The following CPQ variants were observed in gnomAD, a reference collection of about 807,000 sequenced individuals.
The protein encoded by CPQ is carboxypeptidase Q.
A neutral mutation model predicts 45.7 loss-of-function variants in CPQ; 37 were observed. The observed-to-expected ratio is 0.81, with a 90% CI of 0.62 to 1.07. The LOEUF (loss-of-function observed/expected upper bound fraction) is 1.07. CPQ is among the 50% of genes least tolerant of loss of function. The pLI, the probability that CPQ is intolerant of heterozygous loss-of-function variation, is 0.00. For synonymous variants in CPQ, 186 were observed against 205.8 expected, an observed-to-expected ratio of 0.90 and a Z score of 0.82; for missense variants, 537 against 572.9, an observed-to-expected ratio of 0.94 and a Z score of 0.64.
intron 2 of CPQ, among the ~76,000 whole-genome samples, chr8:96,817,988 A>T (rs1811251809): frequency 6.6e-6 from 1 of 152,082 alleles, no homozygotes; most frequent in South Asian, 2.1e-4. Context: ...CAAGAGGCCT[A>T]GCTTTTGCCC....
intron 5 of CPQ, among the ~76,000 whole-genome samples, chr8:96,979,994 T>C: frequency 1.3e-5 from 2 of 152,230 alleles, no homozygotes; most frequent in East Asian, 3.9e-4. Context: ...AATCCTTAAA[T>C]AATTCAAAAT....
intron 1 of CPQ, among the ~76,000 whole-genome samples, chr8:96,736,059 A>G (rs1809978886): frequency 6.6e-6 from 1 of 151,920 alleles, no homozygotes; most frequent in African/African-American, 2.4e-5. Flanking sequence ...ACAGGGCTAC[A>G]GGTATCGTTT....
At chr8:96,910,408 G>T (rs1183709466) in intron 4 of CPQ, among the ~76,000 whole-genome samples, 1 of 152,076 alleles carries the variant, frequency 6.6e-6, no homozygotes, top group Non-Finnish European at 1.5e-5. Context: ...TAACCACAAT[G>T]GTTATCATGT....
intron 5 of CPQ, among the ~76,000 whole-genome samples, chr8:97,015,346 A>G (rs1384588084): frequency 6.6e-6 from 1 of 152,110 alleles, no homozygotes; most frequent in Non-Finnish European, 1.5e-5. Flanking sequence ...CAGGCTTGTG[A>G]TTCCTACATG....
rs547860221 is a variant in CPQ at position 96,895,568 on chromosome 8, ATG to A, written c.849+15567_849+15568del. Among the ~76,000 whole-genome samples, 439 of 152,270 alleles carry A rather than the reference ATG, an allele frequency of 2.9e-3. 1 individual carries two copies. Among genetic ancestry groups the A allele is most frequent in the African/African-American group, 0.01 (421 of 41,572 alleles). The stretch of plus-strand genomic sequence containing the variant: ...TAAATATGTAGCTAGTGAATTTTGA[ATG>A]TGTCTTTTGAACTGTTTATGGGCTT... On this transcript the variant is annotated intron_variant, in intron 4 of 7. Transcript: ENST00000220763.
intron 1 of CPQ, among the ~76,000 whole-genome samples, chr8:96,746,912 T>G (rs1031753422): frequency 2.6e-5 from 4 of 152,214 alleles, no homozygotes; most frequent in Non-Finnish European, 5.9e-5. Context: ...TAGCCAAATG[T>G]GCGTTCCAAA....
At chr8:96,820,676 G>A (rs1446873480) in intron 2 of CPQ, among the ~76,000 whole-genome samples, 3 of 151,950 alleles carry the variant, frequency 2.0e-5, no homozygotes, top group African/African-American at 7.2e-5. Flanking sequence ...ATATTTCATT[G>A]TGTATATATA....
chr8:96,907,056 TA>T (rs1394716070), intron 4 of CPQ, among the ~76,000 whole-genome samples: 35 of 152,334 alleles, frequency 2.3e-4, no homozygotes, highest in African/African-American at 8.2e-4. Flanking sequence ...ATATTCATAA[TA>T]TATTTTGTAT....
intron 3 of CPQ, among the ~76,000 whole-genome samples, chr8:96,865,263 C>A (rs1283890086): frequency 6.6e-6 from 1 of 151,982 alleles, no homozygotes; most frequent in Non-Finnish European, 1.5e-5. Context: ...AGAGCTCTAT[C>A]CAGTTTGAAC....
At chr8:97,080,765 A>T (rs972219401) in intron 7 of CPQ, among the ~76,000 whole-genome samples, 1 of 152,132 alleles carries the variant, frequency 6.6e-6, no homozygotes, top group African/African-American at 2.4e-5. Context: ...TGCTGTCTTA[A>T]TTCTTTCCAG....
chr8:97,085,734 A>G (rs1811030726), intron 7 of CPQ, among the ~76,000 whole-genome samples: 1 of 152,198 alleles, frequency 6.6e-6, no homozygotes, highest in Non-Finnish European at 1.5e-5. Context: ...AGTTAAATAA[A>G]TTCTAGTATA....
At chr8:96,767,747 G>A (rs1022702905) in intron 1 of CPQ, among the ~76,000 whole-genome samples, 5 of 144,802 alleles carry the variant, frequency 3.5e-5, no homozygotes, top group South Asian at 2.3e-4. Context: ...AGATTCAAGC[G>A]ATTCTCCTGC....
chr8:96,736,763 T>C (rs1467125035), intron 1 of CPQ, among the ~76,000 whole-genome samples: 1 of 152,206 alleles, frequency 6.6e-6, no homozygotes, highest in Non-Finnish European at 1.5e-5. Flanking sequence ...TAGAATGTTG[T>C]AGATTTTATT....
At chr8:96,864,708 A>G (rs138967256) in intron 3 of CPQ, among the ~76,000 whole-genome samples, 148 of 152,212 alleles carry the variant, frequency 9.7e-4, no homozygotes, top group African/African-American at 3.4e-3. Context: ...TTTTAAATAA[A>G]TATCTTTATT....
intron 4 of CPQ, among the ~76,000 whole-genome samples, chr8:96,916,378 A>C (rs765426820): frequency 6.6e-6 from 1 of 152,186 alleles, no homozygotes; most frequent in Non-Finnish European, 1.5e-5. Context: ...AATATTCTTT[A>C]TTATACAACT....
chr8:96,654,310 G>A (rs1815613248), intron 1 of CPQ, among the ~76,000 whole-genome samples: 1 of 152,086 alleles, frequency 6.6e-6, no homozygotes, highest in South Asian at 2.1e-4. Flanking sequence ...AATTGGCTTT[G>A]TCATAAACCC....
chr8:96,746,067 A>C (rs1416687431), intron 1 of CPQ, among the ~76,000 whole-genome samples: 1 of 152,214 alleles, frequency 6.6e-6, no homozygotes, highest in Non-Finnish European at 1.5e-5. Flanking sequence ...TTCTTCACTT[A>C]GCCTCCTTAA....
chr8:96,918,491 A>G (rs1812761164), intron 4 of CPQ, among the ~76,000 whole-genome samples: 1 of 151,920 alleles, frequency 6.6e-6, no homozygotes, highest in African/African-American at 2.4e-5. Flanking sequence ...TTCCCACATG[A>G]TCAAACTTAC....
chr8:96,910,811 T>G (rs373504070), intron 4 of CPQ, among the ~76,000 whole-genome samples: 1 of 152,190 alleles, frequency 6.6e-6, no homozygotes, highest in African/African-American at 2.4e-5. Flanking sequence ...GCTGAAGTAG[T>G]GTTATAATCT....
Sources: gnomAD v4.1 joint callset for allele counts (sites outside exome capture counted in the v4.1 genomes callset) on GRCh38, gnomAD v4.1.1 for gene constraint, MANE v1.5 for transcripts, NCBI Gene and HGNC (gene_info 2026-07-23, HGNC 2026-07-21) for gene names.